ERC2: variants seen among roughly 807,000 people sequenced by gnomAD.
The protein encoded by ERC2 is ELKS/RAB6-interacting/CAST family member 2, also known as ERC protein 2.
Under a neutral mutation model 114.8 loss-of-function variants are expected in ERC2, and 42 were observed. The ratio of observed to expected loss-of-function variants is 0.37; its 90% CI spans 0.29 to 0.47. ERC2 has a LOEUF of 0.47. Among genes scored for constraint, ERC2 ranks in the 20% least tolerant of loss-of-function variants. ERC2 has a pLI of 0.99. For missense variants in ERC2, 939 were observed against 1,150.7 expected (o/e 0.82, Z 2.66); for synonymous variants, 454 against 425.5 (o/e 1.07, Z -0.82).
chr3:56,373,831 C>T (rs2059439053), intron 2 of ERC2, among the ~76,000 whole-genome samples: 1 of 152,174 alleles, frequency 6.6e-6, no homozygotes, highest in Admixed American at 6.5e-5. Flanking sequence ...TGGACATGGA[C>T]ATGCGTATTT....
At chr3:56,020,663 C>T (rs902837204) in intron 7 of ERC2, among the ~76,000 whole-genome samples, 4 of 152,196 alleles carry the variant, frequency 2.6e-5, no homozygotes, top group African/African-American at 9.6e-5. Flanking sequence ...ACTTTGAATA[C>T]ACCCATGGAT....
chr3:55,805,151 C>G (rs764277853), intron 14 of ERC2, among the ~76,000 whole-genome samples: 1 of 152,042 alleles, frequency 6.6e-6, no homozygotes, highest in African/African-American at 2.4e-5. Context: ...ACACGACATA[C>G]ATGAGATCAT....
At chr3:55,877,232 C>T (rs990899920) in intron 14 of ERC2, among the ~76,000 whole-genome samples, 1 of 152,144 alleles carries the variant, frequency 6.6e-6, no homozygotes, top group Non-Finnish European at 1.5e-5. Flanking sequence ...TGGCACCTCC[C>T]CTCCAGTTGG....
intron 14 of ERC2, among the ~76,000 whole-genome samples, chr3:55,883,824 C>G (rs896027312): frequency 2.0e-5 from 3 of 151,916 alleles, no homozygotes; most frequent in African/African-American, 7.3e-5. Context: ...GGAGGCAGAG[C>G]TTGCAGTGAG....
chr3:55,727,625 A>G (rs2065002137), intron 15 of ERC2, among the ~76,000 whole-genome samples: 1 of 152,182 alleles, frequency 6.6e-6, no homozygotes, highest in African/African-American at 2.4e-5. Context: ...TATCACTTTT[A>G]GCTTTATTGA....
rs550063872 is a variant in ERC2, at chr3:55,601,584, T to C, written c.*39+82210A>G. 2.6e-5 allele frequency among the ~76,000 whole-genome samples: 4 copies of C among 152,348 alleles called. No homozygotes were observed. The South Asian group carries it at 8.3e-4, about 32-fold the overall frequency. On this transcript the variant is annotated intron_variant, in intron 17 of 17. Transcript: ENST00000288221. ...ACGAGTCCAGGAAACAAGTGCTTCC[T>C]GCCTATGGGAGAGCTCTGCCCCTCT... is the stretch of plus-strand genomic sequence containing the variant.
At chr3:56,170,763 AT>A (rs71099618) in intron 4 of ERC2, among the ~76,000 whole-genome samples, 16 of 118,584 alleles carry the variant, frequency 1.3e-4, no homozygotes, top group African/African-American at 1.6e-4. Context: ...CACCTGGCTA[AT>A]TTTTTTTTTT....
chr3:56,461,497 T>C (rs1411321848), intron 1 of ERC2, among the ~76,000 whole-genome samples: 5 of 152,164 alleles, frequency 3.3e-5, no homozygotes, highest in Admixed American at 2.6e-4. Context: ...ACACTGGAAA[T>C]CAAATATTCT....
intron 6 of ERC2, among the ~76,000 whole-genome samples, chr3:56,115,293 T>C (rs904631510): frequency 6.6e-6 from 1 of 152,040 alleles, no homozygotes; most frequent in Admixed American, 6.5e-5. Flanking sequence ...ATGTTTAGGG[T>C]TTTGATAGCA....
chr3:56,386,040 A>G (rs1322124132), intron 2 of ERC2, among the ~76,000 whole-genome samples: 2 of 152,148 alleles, frequency 1.3e-5, no homozygotes, highest in African/African-American at 4.8e-5. Context: ...TGAACAAGTA[A>G]AGACAGAATG....
chr3:55,660,005 C>T (rs1201624697), intron 17 of ERC2, among the ~76,000 whole-genome samples: 3 of 152,110 alleles, frequency 2.0e-5, no homozygotes, highest in African/African-American at 4.8e-5. Context: ...CCTTCATTAG[C>T]CTGGAGTAAT....
At chr3:55,707,983 T>C (rs901308895) in intron 15 of ERC2, among the ~76,000 whole-genome samples, 2 of 152,198 alleles carry the variant, frequency 1.3e-5, no homozygotes, top group African/African-American at 4.8e-5. Context: ...GCCTCCTTTG[T>C]AACCAGTGCA....
intron 14 of ERC2, among the ~76,000 whole-genome samples, chr3:55,884,604 G>T (rs1311248627): frequency 1.3e-5 from 2 of 152,026 alleles, no homozygotes; most frequent in Non-Finnish European, 2.9e-5. Flanking sequence ...AATGACAAAT[G>T]AGCTACCTGT....
At chr3:55,750,883 C>G (rs2148966605) in intron 14 of ERC2, among the ~76,000 whole-genome samples, 1 of 152,160 alleles carries the variant, frequency 6.6e-6, no homozygotes, top group East Asian at 1.9e-4. Context: ...TGGGGAACAG[C>G]AGCTTTTTAT....
intron 2 of ERC2, among the ~76,000 whole-genome samples, chr3:56,420,850 T>C (rs1045251417): frequency 6.7e-6 from 1 of 148,786 alleles, no homozygotes; most frequent in Non-Finnish European, 1.5e-5. Flanking sequence ...TGAGCTGAGA[T>C]CGCCCCACCG....
intron 11 of ERC2, among the ~76,000 whole-genome samples, 162 bp from the exon 12 acceptor site, chr3:55,986,150 T>A (rs971858373): frequency 2.6e-5 from 4 of 152,216 alleles, no homozygotes; most frequent in African/African-American, 9.7e-5. Flanking sequence ...TTTTATCTTA[T>A]ATTACCCCCA....
intron 17 of ERC2, among the ~76,000 whole-genome samples, chr3:55,517,742 GGCCAGCCCCA>G (rs2052629512): frequency 6.6e-6 from 1 of 152,134 alleles, no homozygotes; most frequent in Non-Finnish European, 1.5e-5. Flanking sequence ...TCTGGCCACC[GGCCAGCCCCA>G]GCACCACCCT....
At chr3:55,701,070 C>A (rs2063200408) in intron 15 of ERC2, among the ~76,000 whole-genome samples, 1 of 152,084 alleles carries the variant, frequency 6.6e-6, no homozygotes, top group Non-Finnish European at 1.5e-5. Context: ...TTTCAGAGAG[C>A]CAGAAGTCAG....
chr3:56,303,359 A>T (rs1361808374), intron 2 of ERC2, among the ~76,000 whole-genome samples: 2 of 152,236 alleles, frequency 1.3e-5, no homozygotes, highest in Non-Finnish European at 2.9e-5. Flanking sequence ...GAAAAAGCTT[A>T]AAATGACTCA....
Sources: gnomAD v4.1 joint callset for allele counts (sites outside exome capture counted in the v4.1 genomes callset) on GRCh38, gnomAD v4.1.1 for gene constraint, MANE v1.5 for transcripts, NCBI Gene and HGNC (gene_info 2026-07-23, HGNC 2026-07-21) for gene names.